Variants in HPSE2 observed in about 807,000 individuals in gnomAD.
HPSE2 encodes the protein inactive heparanase-2.
HPSE2 carries 38 observed loss-of-function variants against 60.5 expected under a neutral mutation model. The ratio of observed to expected loss-of-function variants is 0.63; its 90% CI spans 0.48 to 0.82. HPSE2 has a LOEUF of 0.82. Ranked by LOEUF, HPSE2 falls within the 40% of genes least tolerant of loss-of-function variation. HPSE2 has a pLI of 0.00. For missense variants in HPSE2, 713 were observed against 740.4 expected, an observed-to-expected ratio of 0.96 and a Z score of 0.43; for synonymous variants, 295 against 293.2, an observed-to-expected ratio of 1.01 and a Z score of -0.06.
intron 4 of HPSE2, among the ~76,000 whole-genome samples, chr10:98,725,712 A>T (rs529780571): frequency 6.6e-6 from 1 of 152,244 alleles, no homozygotes; most frequent in South Asian, 2.1e-4. Context: ...AACCTACAAA[A>T]TGGGAGAAAA....
At chr10:98,566,076 CAA>C (rs1385748181) in intron 9 of HPSE2, among the ~76,000 whole-genome samples, 1 of 152,170 alleles carries the variant, frequency 6.6e-6, no homozygotes, top group Non-Finnish European at 1.5e-5. Context: ...GCTATCCCTA[CAA>C]TACTGTGTTA....
the HPSE2 span, among the ~76,000 whole-genome samples, chr10:99,253,331 ACAC>A: frequency 6.6e-6 from 1 of 152,208 alleles, no homozygotes; most frequent in Non-Finnish European, 1.5e-5. Flanking sequence ...ACAAAGCTGC[ACAC>A]CTACAGCCAT....
At chr10:98,529,811 T>C (rs17459507) in intron 9 of HPSE2, among the ~76,000 whole-genome samples, 4,997 of 152,318 alleles carry the variant, frequency 0.033, 151 homozygotes, top group African/African-American at 0.087. Context: ...ATGTGCTAAA[T>C]GCTGTTCTTC....
chr10:99,047,995 T>A lies in HPSE2; in HGVS notation c.610+96243A>T, dbSNP rs542231754. ...TTCTTTGCCTTCATCAAGTCTTCAA[T>A]GAAACCTTTGCGAAGCTCAACAAGG... On this transcript the variant is annotated intron_variant, in intron 3 of 11. Coordinates refer to ENST00000370552, the MANE Select transcript of HPSE2 (RefSeq NM_021828.5). The A allele has an allele frequency of 5.7e-6, 4 of 702,898 alleles. No individual in the cohort carries two copies. The Admixed American group carries it at 7.9e-5, about 14-fold the overall frequency. The allele number at this position is 702,898 out of a possible 1,614,324, so 43.5% of individuals were successfully genotyped here. A position where few individuals can be genotyped will look rare whatever the true frequency, so the allele number is the denominator to read the frequency against.
intron 6 of HPSE2, among the ~76,000 whole-genome samples, chr10:98,667,082 G>T (rs372853603): frequency 4.0e-5 from 6 of 151,804 alleles, no homozygotes; most frequent in African/African-American, 1.2e-4. Flanking sequence ...AGACAAAGAT[G>T]ACATTAAAAC....
intron 3 of HPSE2, among the ~76,000 whole-genome samples, chr10:98,953,843 G>C (rs1322676219): frequency 3.3e-5 from 5 of 152,084 alleles, no homozygotes; most frequent in Non-Finnish European, 7.3e-5. Context: ...ACTCCTCTAA[G>C]CCTCAGCTTC....
rs1325761420 is a variant in HPSE2, at chr10:98,934,438, G to T, written c.611-190382C>A. On this transcript the variant is annotated intron_variant, in intron 3 of 11. Coordinates refer to ENST00000370552, the MANE Select transcript of HPSE2 (RefSeq NM_021828.5). ...ATGGTTTTTCTTATCCATGTTTAGT[G>T]CTTCTTTCAGGAGCTCTTGCCAGGC... 1.2e-4 allele frequency among the ~76,000 whole-genome samples: 17 copies of T among 144,528 alleles called. 2 individuals carry two copies. The highest frequency in any genetic ancestry group is 1.2e-3 in the Admixed American group (17 of 14,572). The allele number at this position is 144,528 out of a possible 152,430, so 94.8% of individuals were successfully genotyped here.
At chr10:98,645,891 C>T (rs772365345) in intron 6 of HPSE2, among the ~76,000 whole-genome samples, 1 of 152,226 alleles carries the variant, frequency 6.6e-6, no homozygotes, top group South Asian at 2.1e-4. Context: ...AGGAGAATGG[C>T]GTGAACCCGG....
chr10:99,264,057 T>G, the HPSE2 span, among the ~76,000 whole-genome samples: 1 of 151,904 alleles, frequency 6.6e-6, no homozygotes, highest in African/African-American at 2.4e-5. Context: ...TCTCACTCAC[T>G]CTCTCCTGGC....
chr10:98,799,935 G>C (rs1008240616), intron 3 of HPSE2, among the ~76,000 whole-genome samples: 3 of 151,852 alleles, frequency 2.0e-5, no homozygotes, highest in Admixed American at 2.0e-4. Flanking sequence ...ATAAAGATCA[G>C]AGCAGAAATA....
At chr10:98,829,768 A>G (rs1409960671) in intron 3 of HPSE2, among the ~76,000 whole-genome samples, 1 of 152,200 alleles carries the variant, frequency 6.6e-6, no homozygotes, top group Non-Finnish European at 1.5e-5. Context: ...TGCATTTTCA[A>G]AGTGATTTTT....
chr10:98,628,917 GAA>G (rs35286605), intron 7 of HPSE2, among the ~76,000 whole-genome samples: 6 of 148,790 alleles, frequency 4.0e-5, no homozygotes, highest in African/African-American at 1.2e-4. Context: ...AAAGAAAAAA[GAA>G]AAAAAAAACA....
intron 9 of HPSE2, among the ~76,000 whole-genome samples, chr10:98,592,819 T>C (rs2133946148): frequency 6.6e-6 from 1 of 152,320 alleles, no homozygotes; most frequent in South Asian, 2.1e-4. Context: ...TGCTTTTCAG[T>C]GCTGGCAAGA....
chr10:99,204,971 A>C (rs769755153), intron 2 of HPSE2, among the ~76,000 whole-genome samples: 1 of 152,230 alleles, frequency 6.6e-6, no homozygotes, highest in African/African-American at 2.4e-5. Flanking sequence ...TGAGGCCATT[A>C]TCCTAAGTGA....
chr10:99,211,725 G>T (rs566020620), intron 2 of HPSE2, among the ~76,000 whole-genome samples: 5 of 151,970 alleles, frequency 3.3e-5, no homozygotes, highest in Non-Finnish European at 7.4e-5. Context: ...TGGATTAAAG[G>T]GTTAAATTTA....
At chr10:98,949,179 T>C (rs546591602) in intron 3 of HPSE2, among the ~76,000 whole-genome samples, 1 of 152,186 alleles carries the variant, frequency 6.6e-6, no homozygotes, top group East Asian at 1.9e-4. Flanking sequence ...TTTAAAAGAA[T>C]TTTTGTTTCT....
chr10:98,859,031 C>T (rs922266620), intron 3 of HPSE2, among the ~76,000 whole-genome samples: 4 of 152,170 alleles, frequency 2.6e-5, no homozygotes, highest in African/African-American at 9.7e-5. Context: ...TGGGCTCAAG[C>T]AATCCTCCCA....
intron 3 of HPSE2, among the ~76,000 whole-genome samples, chr10:98,984,941 A>G (rs2135314468): frequency 6.6e-6 from 1 of 152,304 alleles, no homozygotes; most frequent in African/African-American, 2.4e-5. Context: ...AGTTTAGAGA[A>G]AAAAGAATAA....
chr10:98,839,260 A>G (rs1951858246), intron 3 of HPSE2, among the ~76,000 whole-genome samples: 2 of 152,242 alleles, frequency 1.3e-5, no homozygotes, highest in Non-Finnish European at 2.9e-5. Flanking sequence ...AACCAAACCT[A>G]CATAGCATTG....
Sources: allele counts gnomAD v4.1 joint callset (sites outside exome capture counted in the v4.1 genomes callset), GRCh38; gene constraint gnomAD v4.1.1; transcripts MANE v1.5; gene names NCBI Gene and HGNC (gene_info 2026-07-23, HGNC 2026-07-21).